Variants in ZP2 observed in about 807,000 individuals in gnomAD.
The protein encoded by ZP2 is zona pellucida glycoprotein 2, also known as zona pellucida sperm-binding protein 2.
In ZP2, 51 loss-of-function variants were observed where a neutral mutation model predicts 84.0. The ratio of observed to expected loss-of-function variants is 0.61; its 90% CI spans 0.49 to 0.77. The LOEUF (loss-of-function observed/expected upper bound fraction) is 0.77. Among genes scored for constraint, ZP2 ranks in the 30% least tolerant of loss-of-function variants. The probability of loss-of-function intolerance (pLI) is 0.00; values close to 1 mark genes in which losing one functional copy is unlikely to be tolerated. For synonymous variants in ZP2, 375 were observed against 330.9 expected (o/e 1.13, Z -1.45); for missense variants, 909 against 911.9 (o/e 1.00, Z 0.04).
rs2093248020 is a variant in ZP2, at chr16:21,206,014, C to T, written c.484-239G>A. The T allele has an allele frequency of 7.4e-6, 4 of 543,068 alleles. No homozygotes were observed. In the South Asian group the frequency reaches 8.4e-5, roughly 11 times the overall value. The allele number at this position is 543,068 out of a possible 1,614,324, so 33.6% of individuals were successfully genotyped here. A position where few individuals can be genotyped will look rare whatever the true frequency, so the allele number is the denominator to read the frequency against. Reference sequence around the variant, plus strand: ...TTGTAAGTTGGGACACATTTCTCCCCCCAAGATAGAGTTTCGCTCATCGCC... The same window carrying T: ...TTGTAAGTTGGGACACATTTCTCCCTCCAAGATAGAGTTTCGCTCATCGCC... On this transcript the variant is annotated intron_variant, in intron 5 of 18. Coordinates refer to ENST00000574091, the MANE Select transcript of ZP2 (RefSeq NM_001376232.1).
rs763331580 is a variant in ZP2, at chr16:21,211,357, G to A, written c.101C>T (p.Thr34Ile). 1.2e-5 allele frequency: 19 copies of A among 1,614,046 alleles called. No individual in the cohort carries two copies. In the East Asian group the frequency reaches 4.2e-4, roughly 36 times the overall value. Residue 34 changes from threonine to isoleucine, a missense_variant, in exon 2 of 19, where the codon ACT (threonine) becomes ATT (isoleucine). By Grantham distance (89) the Thr-to-Ile change is moderately conservative. Coordinates refer to ENST00000574091, the MANE Select transcript of ZP2 (RefSeq NM_001376232.1). ...RSISLFFALV[T>I]SGNSIDVSQL... is the part of the protein sequence containing the mutation. ...AGAAACATCTATGGAGTTCCCTGAA[G>A]TCACAAGGGCGAAGAAGAGAGAAAT...
At chr16:21,198,202 C>T (rs1434708296) in intron 17 of ZP2, among the ~76,000 whole-genome samples, 1 of 151,330 alleles carries the variant, frequency 6.6e-6, no homozygotes, top group East Asian at 1.9e-4. Flanking sequence ...TGAGACCAGC[C>T]TGGCCAACAT....
chr16:21,199,633 G>A lies in ZP2; in HGVS notation c.1864C>T (p.Arg622Ter), dbSNP rs1378568655. 6 of 1,613,622 alleles carry A rather than the reference G, an allele frequency of 3.7e-6. No homozygotes were observed. The highest frequency in any genetic ancestry group is 2.2e-5 in the East Asian group (1 of 44,896). Residue 622 changes from arginine to a stop codon, truncating the protein, a stop_gained, in exon 16 of 19, where the codon CGA becomes TGA. Transcript: ENST00000574091. LOFTEE classifies it high-confidence loss of function. ...YFHCSALICNRLSPDSPLCSV... is the reference protein window; with the variant it reads ...YFHCSALICN Reference sequence around the variant, plus strand: ...CACAGTGGGGAGTCAGGGGAGAGTCGATTACAGATTAAGGCACTGCAGTGG... The same window carrying A: ...CACAGTGGGGAGTCAGGGGAGAGTCAATTACAGATTAAGGCACTGCAGTGG...
Position 21,201,939 on chromosome 16 carries a change from C to T in ZP2, c.1372G>A (p.Glu458Lys), listed in dbSNP as rs2093227566. 1 of 1,613,764 alleles carries T rather than the reference C, an allele frequency of 6.2e-7. No individual in the cohort carries two copies. The highest frequency in any genetic ancestry group is 1.3e-5 in the African/African-American group (1 of 74,908). ...FPPSKISRDS[E>K]FRMTVKCSYS... is the part of the protein sequence containing the mutation. Reference sequence around the variant, plus strand: ...ATAGCAATTTTATCTCACCTGAACTCACTGTCTCTAGATATTTTGCTTGGA... The same window carrying T: ...ATAGCAATTTTATCTCACCTGAACTTACTGTCTCTAGATATTTTGCTTGGA... The change falls in exon 12 of 19, where the codon GAG (glutamate) becomes AAG (lysine). Residue 458 changes from glutamate (E) to lysine (K), a missense_variant. Physicochemically the swap from Glu to Lys is moderately conservative, Grantham distance 56. Coordinates refer to ENST00000574091, the MANE Select transcript of ZP2 (RefSeq NM_001376232.1).
chr16:21,201,809 A>G lies in ZP2; in HGVS notation c.1401T>C (p.Tyr467=), dbSNP rs745311169. 7 of 1,614,144 alleles carry G rather than the reference A, an allele frequency of 4.3e-6. No homozygotes were observed. The South Asian group carries it at 5.5e-5, about 13-fold the overall frequency. ...SEFRMTVKCS[Y]SRNDMLLNIN... ...TGTTTAGTAGCATGTCATTCCTGCT[A>G]TAAGAACACTTCACTGTCATTCTGT... The change falls in exon 13 of 19, where the codon TAT becomes TAC. Residue 467 remains tyrosine (Y), a synonymous_variant. Transcript: ENST00000574091.
rs201958199 is a variant in ZP2, at chr16:21,211,276, T to C, written c.151+31A>G. ...TCCAGCTGCAACCTGTTTTCTCTGC[T>C]AAGAAGACTTCTGTCACCCAAGAGA... On this transcript the variant is annotated intron_variant, in intron 2 of 18. Coordinates refer to ENST00000574091, the MANE Select transcript of ZP2 (RefSeq NM_001376232.1). 6.1e-4 allele frequency: 983 copies of C among 1,604,600 alleles called. 1 individual carries two copies. Among genetic ancestry groups the C allele is most frequent in the Admixed American group, 7.7e-4 (46 of 59,868 alleles).
chr16:21,207,536 A>G (rs2093255304), intron 4 of ZP2, among the ~76,000 whole-genome samples: 1 of 152,122 alleles, frequency 6.6e-6, no homozygotes, highest in South Asian at 2.1e-4. Context: ...CTGTAACTCC[A>G]GCACTTTGGG....
At chr16:21,203,741 T>A (rs1283715652) in intron 9 of ZP2, 2 of 482,796 alleles carry the variant, frequency 4.1e-6, no homozygotes, top group Non-Finnish European at 7.5e-6. Flanking sequence ...ATTAGGTATT[T>A]GACAAGTAGT....
upstream of ZP2, chr16:21,211,767 CAG>C: frequency 2.1e-6 from 3 of 1,454,988 alleles, no homozygotes; most frequent in South Asian, 1.4e-5. Flanking sequence ...GGCATGAAAT[CAG>C]AGTTTGCTGA....
intron 2 of ZP2, among the ~76,000 whole-genome samples, 158 bp downstream of exon 2, chr16:21,211,149 T>C (rs1480230518): frequency 1.3e-5 from 2 of 152,258 alleles, no homozygotes; most frequent in East Asian, 3.9e-4. Context: ...ATAGTGAGTC[T>C]ACAGGTTAGC....
intron 4 of ZP2, 49 bp from the exon 5 acceptor site, chr16:21,207,039 G>T: frequency 6.2e-7 from 1 of 1,606,442 alleles, no homozygotes; most frequent in Non-Finnish European, 8.5e-7. Context: ...GTACCCCCAT[G>T]GGATTCTAGA....
intron 5 of ZP2, chr16:21,206,030 G>A (rs1379301987): frequency 2.7e-5 from 14 of 512,842 alleles, no homozygotes; most frequent in Admixed American, 6.5e-5. Context: ...ATAGAGTTTC[G>A]CTCATCGCCC....
chr16:21,209,778 G>T, intron 3 of ZP2, 53 bp from the exon 4 acceptor site: 1 of 1,521,548 alleles, frequency 6.6e-7, no homozygotes, highest in South Asian at 1.1e-5. Flanking sequence ...TTCAGTGACA[G>T]TCCAAAGCTA....
chr16:21,214,177 G>A (rs1184462806), upstream of ZP2: 1 of 926,474 alleles, frequency 1.1e-6, no homozygotes, highest in African/African-American at 1.8e-5. Context: ...AGCCCGCTGT[G>A]GGCTGGTGAA....
rs2093233985 is a variant in ZP2 at position 21,203,154 on chromosome 16, T to C, written c.1070A>G (p.Glu357Gly). Residue 357 changes from glutamate to glycine, a missense_variant, in exon 10 of 19, where the codon GAG becomes GGG. Physicochemically the swap from Glu to Gly is moderately conservative, Grantham distance 98. Transcript: ENST00000574091. Reference protein sequence around the residue: ...PETVSMVIYPECLCESPVSIV... With the variant: ...PETVSMVIYPGCLCESPVSIV... ...AGAAACGGGTGACTCACAGAGACAC[T>C]CAGGATAGATCACCATGGATACTGT... 6.2e-7 allele frequency: 1 copy of C among 1,613,884 alleles called. No individual in the cohort carries two copies. Among genetic ancestry groups the C allele is most frequent in the Non-Finnish European group, 8.5e-7 (1 of 1,179,906 alleles).
intron 4 of ZP2, among the ~76,000 whole-genome samples, chr16:21,207,871 A>G (rs2093257592): frequency 6.6e-6 from 1 of 151,886 alleles, no homozygotes; most frequent in Non-Finnish European, 1.5e-5. Context: ...TTAAGAAGAT[A>G]AAACCCATTC....
At chr16:21,209,928 T>C in intron 3 of ZP2, 181 bp downstream of exon 3, 1 of 693,554 alleles carries the variant, frequency 1.4e-6, no homozygotes, top group Non-Finnish European at 2.5e-6. Flanking sequence ...AGACACACTT[T>C]CGAAGACAGA....
rs2152856009 is a variant in ZP2 at position 21,206,892 on chromosome 16, T to C, written c.429A>G (p.Val143=). 1 of 1,614,178 alleles carries C rather than the reference T, an allele frequency of 6.2e-7. No homozygotes were observed. The highest frequency in any genetic ancestry group is 8.5e-7 in the Non-Finnish European group (1 of 1,180,018). The change falls in exon 5 of 19, where the codon GTA becomes GTG. Residue 143 remains valine, a synonymous_variant. Coordinates refer to ENST00000574091, the MANE Select transcript of ZP2 (RefSeq NM_001376232.1). The part of the protein sequence containing the change: ...MYQFFCPAMQ[V]EETQGLSAST... ...ATGCTGAAAGCCCCTGGGTCTCTTC[T>C]ACTTGCATAGCTGGACAGAAGAACT...
chr16:21,211,208 A>G (rs563362782), intron 2 of ZP2, 99 bp downstream of exon 2: 1 of 998,512 alleles, frequency 1.0e-6, no homozygotes, highest in East Asian at 2.4e-5. Context: ...GGGTGAATGG[A>G]GGTTGTCTGA....
Sources: gnomAD v4.1 joint callset for allele counts (sites outside exome capture counted in the v4.1 genomes callset) on GRCh38, gnomAD v4.1.1 for gene constraint, MANE v1.5 for transcripts, NCBI Gene and HGNC (gene_info 2026-07-23, HGNC 2026-07-21) for gene names.